The following FAH variants were observed in gnomAD, a reference collection of about 807,000 sequenced individuals.
The protein encoded by FAH is fumarylacetoacetate hydrolase.
In FAH, 47 loss-of-function variants were observed where a neutral mutation model predicts 55.8. That is an observed-to-expected ratio of 0.84 (90% CI 0.67 to 1.07). FAH has a LOEUF of 1.07. Among genes scored for constraint, FAH ranks in the 50% least tolerant of loss-of-function variants. The pLI, the probability that FAH is intolerant of heterozygous loss-of-function variation, is 0.00. For synonymous variants in FAH, 199 were observed against 207.7 expected, an observed-to-expected ratio of 0.96 and a Z score of 0.36; for missense variants, 495 against 545.9, an observed-to-expected ratio of 0.91 and a Z score of 0.93.
intron 13 of FAH, among the ~76,000 whole-genome samples, chr15:80,185,379 G>C (rs1006860993): frequency 6.6e-6 from 1 of 152,230 alleles, no homozygotes; most frequent in Non-Finnish European, 1.5e-5. Flanking sequence ...CTGAGGTCTA[G>C]AGGGACCCAA....
At chr15:80,172,055 G>T in intron 7 of FAH, 94 bp from the exon 8 acceptor site, 1 of 903,514 alleles carries the variant, frequency 1.1e-6, no homozygotes, top group South Asian at 1.3e-5. Context: ...GTCCATGGCT[G>T]GAGTTTGGAA....
At chr15:80,175,462 C>T (rs1328817704) in intron 10 of FAH, among the ~76,000 whole-genome samples, 2 of 152,160 alleles carry the variant, frequency 1.3e-5, no homozygotes, top group Non-Finnish European at 2.9e-5. Context: ...TCATTGAGTG[C>T]CTGTTTGAAA....
intron 4 of FAH, among the ~76,000 whole-genome samples, chr15:80,161,395 C>T (rs995906914): frequency 1.3e-5 from 2 of 151,442 alleles, no homozygotes; most frequent in African/African-American, 4.8e-5. Flanking sequence ...ACTGTTCTTC[C>T]TCTCCTCACC....
chr15:80,173,388 A>G, intron 9 of FAH: 1 of 601,110 alleles, frequency 1.7e-6, no homozygotes, highest in South Asian at 1.9e-5. Context: ...GAATTTTGTA[A>G]CCTTAAGAAT....
chr15:80,172,097 G>A, intron 7 of FAH, 52 bp from the exon 8 acceptor site: 2 of 1,340,948 alleles, frequency 1.5e-6, no homozygotes, highest in Non-Finnish European at 2.1e-6. Flanking sequence ...GGTGACAAGT[G>A]ACCTGGGCGG....
At chr15:80,182,057 C>T (rs556197396) in intron 13 of FAH, among the ~76,000 whole-genome samples, 2 of 152,266 alleles carry the variant, frequency 1.3e-5, no homozygotes, top group South Asian at 2.1e-4. Flanking sequence ...GTTGGCAGTG[C>T]CATGTTCCTG....
At position 80,172,906 on chromosome 15, in the gene FAH, GA is replaced by G. The variant is rs58363292; in HGVS notation, c.707-107del. On this transcript the variant is annotated intron_variant, in intron 8 of 13. Coordinates refer to ENST00000561421, the MANE Select transcript of FAH (RefSeq NM_000137.4). ...AGCCTGACTGGGGCTGATCTTTGTG[GA>G]GATGGCAGTGCTAGGTGTCTCTGCT... The G allele has an allele frequency of 0.58, 834,047 of 1,445,976 alleles. 246,117 individuals carry two copies. Among genetic ancestry groups the G allele is most frequent in the East Asian group, 0.78 (34,208 of 44,054 alleles). The allele number at this position is 1,445,976 out of a possible 1,614,324, so 89.6% of individuals were successfully genotyped here. A position where few individuals can be genotyped will look rare whatever the true frequency, so the allele number is the denominator to read the frequency against.
At chr15:80,160,193 T>A (rs1370195313) in intron 3 of FAH, 1 of 651,236 alleles carries the variant, frequency 1.5e-6, no homozygotes, top group Non-Finnish European at 2.7e-6. Flanking sequence ...AGTTTCCACT[T>A]GTCTAGTCCC....
chr15:80,182,253 C>T (rs890894038), intron 13 of FAH, among the ~76,000 whole-genome samples: 1 of 152,188 alleles, frequency 6.6e-6, no homozygotes. Flanking sequence ...TAGACAATCT[C>T]CTCATTCTAA....
intron 1 of FAH, chr15:80,156,811 G>C (rs139970161): frequency 6.6e-6 from 1 of 152,296 alleles, no homozygotes; most frequent in African/African-American, 2.4e-5. Flanking sequence ...GACTTTTTCT[G>C]GGTCCTCAGG....
intron 13 of FAH, among the ~76,000 whole-genome samples, chr15:80,184,215 G>T (rs1399372079): frequency 2.0e-5 from 3 of 152,114 alleles, no homozygotes; most frequent in Non-Finnish European, 4.4e-5. Flanking sequence ...TCAGATCTTT[G>T]ATTTGTTGAT....
At chr15:80,175,123 G>T (rs766281905) in intron 10 of FAH, 32 bp downstream of exon 10, 18 of 1,591,766 alleles carry the variant, frequency 1.1e-5, no homozygotes, top group Non-Finnish European at 1.4e-5. Context: ...ATGGCCAGGA[G>T]CTCTGAGGCA....
At chr15:80,185,549 G>C (rs1326116095) in intron 13 of FAH, among the ~76,000 whole-genome samples, 1 of 152,180 alleles carries the variant, frequency 6.6e-6, no homozygotes, top group African/African-American at 2.4e-5. Context: ...TCCTGAGACT[G>C]GGTAATTCAT....
rs576942274 is a variant in FAH at position 80,162,552 on chromosome 15, A to G, written c.455+216A>G. ...TGGGATCGAAGGGCAAGTCCCTTAA[A>G]CTTCCTTGGACAGCAGGGGTTGGAA... On this transcript the variant is annotated intron_variant, in intron 5 of 13. Coordinates refer to ENST00000561421, the MANE Select transcript of FAH (RefSeq NM_000137.4). The G allele has an allele frequency of 9.9e-6, 6 of 605,048 alleles. No individual in the cohort carries two copies. The South Asian group carries it at 1.1e-4, about 11-fold the overall frequency. 37.5% of individuals were successfully genotyped at this position (605,048 alleles called of 1,614,324 possible).
Position 80,181,171 on chromosome 15 carries a change from C to G in FAH, c.1180+12C>G. On this transcript the variant is annotated intron_variant, in intron 13 of 13. Coordinates refer to ENST00000561421, the MANE Select transcript of FAH (RefSeq NM_000137.4). ...AGTCATCATAACAGGTGAGGGCTGC[C>G]AAACCCAGCAGCTCGTCTTCCTCCT... 1 of 1,567,386 alleles carries G rather than the reference C, an allele frequency of 6.4e-7. No individual in the cohort carries two copies.
chr15:80,153,658 G>C (rs1302337044), intron 1 of FAH, among the ~76,000 whole-genome samples: 1 of 152,214 alleles, frequency 6.6e-6, no homozygotes, highest in Non-Finnish European at 1.5e-5. Flanking sequence ...TCTGCCTATA[G>C]CTGAAATTCT....
chr15:80,171,944 G>A (rs1032006740), intron 7 of FAH, among the ~76,000 whole-genome samples: 3 of 152,186 alleles, frequency 2.0e-5, no homozygotes, highest in Admixed American at 6.5e-5. Context: ...GGCCGATGGC[G>A]GGGGCAGGGC....
chr15:80,159,099 G>A lies in FAH; in HGVS notation c.193-657G>A, dbSNP rs532990157. On this transcript the variant is annotated intron_variant, in intron 2 of 13. Transcript: ENST00000561421. ...CTAAAAATACAAAAATTAGCTGGGT[G>A]TGGCAGTGCACGCCTGTAATCCCAG... 2.6e-5 allele frequency among the ~76,000 whole-genome samples: 4 copies of A among 152,178 alleles called. No individual in the cohort carries two copies. The East Asian group carries it at 7.7e-4, about 29-fold the overall frequency.
chr15:80,153,971 A>C (rs1390517396), intron 1 of FAH, among the ~76,000 whole-genome samples: 2 of 152,196 alleles, frequency 1.3e-5, no homozygotes, highest in Non-Finnish European at 2.9e-5. Flanking sequence ...GGGGCCTGGC[A>C]GTTGGCTTCT....
Sources: allele counts gnomAD v4.1 joint callset (sites outside exome capture counted in the v4.1 genomes callset), GRCh38; gene constraint gnomAD v4.1.1; transcripts MANE v1.5; gene names NCBI Gene and HGNC (gene_info 2026-07-23, HGNC 2026-07-21).